ZNF251: variants seen among roughly 807,000 people sequenced by gnomAD.
ZNF251 encodes the protein zinc finger protein 251.
A neutral mutation model predicts 13.5 loss-of-function variants in ZNF251; 14 were observed. The observed-to-expected ratio is 1.04, with a 90% CI of 0.69 to 1.63. The LOEUF is 1.63. ZNF251 is among the 40% of genes most tolerant of loss of function. The probability of loss-of-function intolerance (pLI) is 0.00; values close to 1 mark genes in which losing one functional copy is unlikely to be tolerated. For missense variants in ZNF251, 764 were observed against 834.9 expected (o/e 0.92, Z 1.05); for synonymous variants, 287 against 295.2 (o/e 0.97, Z 0.28).
chr8:144,755,156 G>A, intron 1 of ZNF251: 1 of 1,183,998 alleles, frequency 8.4e-7, no homozygotes, highest in Non-Finnish European at 1.1e-6. Flanking sequence ...GACGTGAGAA[G>A]GAGGCCGCGG....
At position 144,720,972 on chromosome 8, in the gene ZNF251, A is replaced by G; in HGVS notation, c.*672T>C. On this transcript the variant is annotated 3_prime_UTR_variant, in exon 5 of 5. Coordinates refer to ENST00000292562, the MANE Select transcript of ZNF251 (RefSeq NM_138367.2). ...GCTTCAATAAACCTGCCTTTAAAAA[A>G]TTTTTTATCAGTAATTACAATTTTC... 1 of 152,196 alleles carries G rather than the reference A, an allele frequency of 6.6e-6. No individual in the cohort carries two copies. The highest frequency in any genetic ancestry group is 1.9e-4 in the East Asian group (1 of 5,206). The allele number at this position is 152,196 out of a possible 1,614,324, so 9.4% of individuals were successfully genotyped here.
chr8:144,736,023 CAAA>C (rs967036405), intron 4 of ZNF251, among the ~76,000 whole-genome samples: 2 of 152,184 alleles, frequency 1.3e-5, no homozygotes, highest in African/African-American at 4.8e-5. Context: ...AACCCTTCCC[CAAA>C]TCCCTGGACT....
rs1404035367 is a variant in ZNF251, at chr8:144,722,509, T to C, written c.1151A>G (p.Lys384Arg). 1.5e-5 allele frequency: 25 copies of C among 1,613,814 alleles called. No homozygotes were observed. The highest frequency in any genetic ancestry group is 2.1e-5 in the Non-Finnish European group (25 of 1,179,926). Residue 384 changes from lysine to arginine, a missense_variant, in exon 5 of 5, where the codon AAG (lysine) becomes AGG (arginine). Coordinates refer to ENST00000292562, the MANE Select transcript of ZNF251 (RefSeq NM_138367.2). The surrounding 1 kb of genome is among the most constrained non-coding windows in gnomAD (Gnocchi z 4.8). Reference sequence around the variant, plus strand: ...AAGGCTTGAGCTCTGACTGAAGGCCTTCCCACACTGATTGCATTTATGGGG... The same window carrying C: ...AAGGCTTGAGCTCTGACTGAAGGCCCTCCCACACTGATTGCATTTATGGGG... ...EKPHKCNQCG[K>R]AFSQSSSLFL... is the part of the protein sequence containing the mutation.
intron 2 of ZNF251, 176 bp from the exon 3 acceptor site, chr8:144,754,497 C>T: frequency 6.9e-7 from 1 of 1,446,868 alleles, no homozygotes; most frequent in African/African-American, 1.4e-5. Context: ...CCAACTTCAG[C>T]TACACGGGGA....
chr8:144,727,016 CA>C (rs1473289161), intron 4 of ZNF251, among the ~76,000 whole-genome samples: 7 of 152,182 alleles, frequency 4.6e-5, no homozygotes, highest in Non-Finnish European at 8.8e-5. Flanking sequence ...GGTGCCACTG[CA>C]CTCCAGTATG....
chr8:144,750,846 G>GTTTTTTTTTTTTT (rs58473905), intron 4 of ZNF251, among the ~76,000 whole-genome samples: 2 of 141,314 alleles, frequency 1.4e-5, no homozygotes, highest in African/African-American at 2.6e-5. Context: ...TCTCTCCAGA[G>GTTTTTTTTTTTTT]TTTTTTTTTT....
chr8:144,735,639 G>C (rs766569874), intron 4 of ZNF251, among the ~76,000 whole-genome samples: 1 of 152,062 alleles, frequency 6.6e-6, no homozygotes, highest in East Asian at 1.9e-4. Context: ...GGGCGCACTC[G>C]GAGCCTCCGT....
rs781438442 is a variant in ZNF251, at chr8:144,754,216, T to C, written c.139A>G (p.Asn47Asp). 1.2e-6 allele frequency: 2 copies of C among 1,613,754 alleles called. No individual in the cohort carries two copies. The highest frequency in any genetic ancestry group is 1.1e-5 in the South Asian group (1 of 91,058). ...CCCAGAGAGGCCACGTTCCCATAGT[T>C]CTCCAGCATCACATCCCGGTAGAGC... Reference protein sequence around the residue: ...RALYRDVMLENYGNVASLGFP... With the variant: ...RALYRDVMLEDYGNVASLGFP... Residue 47 changes from asparagine to aspartate, a missense_variant, in exon 3 of 5, where the codon AAC becomes GAC. Transcript: ENST00000292562.
chr8:144,725,092 C>A (rs981098699), intron 4 of ZNF251, among the ~76,000 whole-genome samples: 5 of 152,246 alleles, frequency 3.3e-5, no homozygotes, highest in Admixed American at 1.3e-4. Context: ...CGGCTCACCA[C>A]AACCTCCACC....
At chr8:144,738,805 G>A (rs1694322763) in intron 4 of ZNF251, 2 of 985,028 alleles carry the variant, frequency 2.0e-6, no homozygotes, top group Non-Finnish European at 2.4e-6. Flanking sequence ...GCAACCTCCT[G>A]GGGGCACCTG....
At chr8:144,749,123 C>T (rs564193291) in intron 4 of ZNF251, among the ~76,000 whole-genome samples, 1 of 152,104 alleles carries the variant, frequency 6.6e-6, no homozygotes, top group Admixed American at 6.5e-5. Flanking sequence ...CATGATCAAG[C>T]TACTGCACTC....
At chr8:144,738,456 T>G (rs1824002818) in intron 4 of ZNF251, 21 of 714,366 alleles carry the variant, frequency 2.9e-5, no homozygotes, top group Non-Finnish European at 3.6e-5. Context: ...GGTGCCTCCT[T>G]GCTACATGGA....
intron 4 of ZNF251, among the ~76,000 whole-genome samples, chr8:144,731,182 C>G (rs1044173069): frequency 6.6e-6 from 1 of 152,230 alleles, no homozygotes; most frequent in Admixed American, 6.5e-5. Flanking sequence ...AAGTCTGGCA[C>G]AAACCACACA....
At chr8:144,730,754 G>T (rs1159541259) in intron 4 of ZNF251, among the ~76,000 whole-genome samples, 1 of 152,224 alleles carries the variant, frequency 6.6e-6, no homozygotes, top group Non-Finnish European at 1.5e-5. Context: ...GGCTCTCCGG[G>T]GTGCCCATCA....
rs1215766909 is a variant in ZNF251 at position 144,755,482 on chromosome 8, C to A, written c.-153G>T. On this transcript the variant is annotated 5_prime_UTR_variant, in exon 1 of 5. Coordinates refer to ENST00000292562, the MANE Select transcript of ZNF251 (RefSeq NM_138367.2). Reference sequence around the variant, plus strand: ...TCGCACCGAGCCCGGAACGGACCCTCCCACAGAACCGGGTCCAGAGCCGGG... The same window carrying A: ...TCGCACCGAGCCCGGAACGGACCCTACCACAGAACCGGGTCCAGAGCCGGG... 18 of 1,287,210 alleles carry A rather than the reference C, an allele frequency of 1.4e-5. No homozygotes were observed. The highest frequency in any genetic ancestry group is 1.8e-5 in the Non-Finnish European group (18 of 988,698). 79.7% of individuals were successfully genotyped at this position (1,287,210 alleles called of 1,614,324 possible).
chr8:144,721,198 G>GA lies in ZNF251; in HGVS notation c.*445_*446insT, dbSNP rs1181585739. On this transcript the variant is annotated 3_prime_UTR_variant, in exon 5 of 5. Coordinates refer to ENST00000292562, the MANE Select transcript of ZNF251 (RefSeq NM_138367.2). ...GTTGGTGGGAGAGGTGGTGGAGAGA[G>GA]TAAGGCTAAGCGCCCCCAGCAGGCC... 2.1e-4 allele frequency: 42 copies of GA among 195,608 alleles called. No individual in the cohort carries two copies. The highest frequency in any genetic ancestry group is 9.5e-4 in the African/African-American group (41 of 43,312). The allele number at this position is 195,608 out of a possible 1,614,324, so 12.1% of individuals were successfully genotyped here.
At position 144,723,254 on chromosome 8, in the gene ZNF251, C is replaced by G. The variant is rs762284428; in HGVS notation, c.406G>C (p.Ala136Pro). The G allele has an allele frequency of 6.2e-6, 10 of 1,613,144 alleles. No homozygotes were observed. The highest frequency in any genetic ancestry group is 8.5e-6 in the Non-Finnish European group (10 of 1,179,616). ...TTGAGTTTGCCCTCACGGCCCCATGCTTCCCGAAACTCAGCGGCCTGTGCA... is the reference window on the plus strand; with the variant it reads ...TTGAGTTTGCCCTCACGGCCCCATGGTTCCCGAAACTCAGCGGCCTGTGCA... ...DNAQAAEFRE[A>P]WGREGKLKER... Residue 136 changes from alanine (A) to proline (P), a missense_variant, in exon 5 of 5, where the codon GCA (alanine) becomes CCA (proline). Transcript: ENST00000292562.
At chr8:144,729,807 G>A (rs1175628594) in intron 4 of ZNF251, among the ~76,000 whole-genome samples, 1 of 152,136 alleles carries the variant, frequency 6.6e-6, no homozygotes, top group South Asian at 2.1e-4. Flanking sequence ...GCTGCAGTGA[G>A]CTGAGACCGC....
intron 2 of ZNF251, 136 bp downstream of exon 2, chr8:144,754,560 G>A (rs1824864640): frequency 1.4e-6 from 2 of 1,459,690 alleles, no homozygotes; most frequent in Non-Finnish European, 1.8e-6. Flanking sequence ...CTACCTCTCA[G>A]AACCCTTTCC....
Sources: allele counts gnomAD v4.1 joint callset (sites outside exome capture counted in the v4.1 genomes callset), GRCh38; gene constraint gnomAD v4.1.1; non-coding constraint Gnocchi (gnomAD v3.1); transcripts MANE v1.5; gene names NCBI Gene and HGNC (gene_info 2026-07-23, HGNC 2026-07-21).